Variants in LHPP observed in about 807,000 individuals in gnomAD.
LHPP encodes hLHPP.
In LHPP, 24 loss-of-function variants were observed where a neutral mutation model predicts 30.3. The ratio of observed to expected loss-of-function variants is 0.79; its 90% CI spans 0.57 to 1.11. The LOEUF (loss-of-function observed/expected upper bound fraction) is 1.11. LHPP is among the 50% of genes most tolerant of loss of function. LHPP has a pLI of 0.00. For synonymous variants in LHPP, 150 were observed against 157.1 expected, an observed-to-expected ratio of 0.95 and a Z score of 0.34; for missense variants, 356 against 367.2, an observed-to-expected ratio of 0.97 and a Z score of 0.25.
intron 1 of LHPP, among the ~76,000 whole-genome samples, chr10:124,468,210 G>C (rs1012090068): frequency 1.3e-5 from 2 of 152,182 alleles, no homozygotes; most frequent in Non-Finnish European, 2.9e-5. Flanking sequence ...AACTTCTCTG[G>C]GTTCTGGGTT....
intron 1 of LHPP, among the ~76,000 whole-genome samples, chr10:124,476,738 G>A (rs748422836): frequency 3.3e-5 from 5 of 152,310 alleles, no homozygotes; most frequent in African/African-American, 7.2e-5. Flanking sequence ...CTCTGCTTAC[G>A]GGGCTCCTGC....
At chr10:124,487,645 T>C (rs751724575) in intron 2 of LHPP, among the ~76,000 whole-genome samples, 1 of 152,094 alleles carries the variant, frequency 6.6e-6, no homozygotes, top group Non-Finnish European at 1.5e-5. Context: ...ATTTTGACCA[T>C]GTTGGCCAGG....
intron 1 of LHPP, among the ~76,000 whole-genome samples, chr10:124,465,195 G>A (rs1373220695): frequency 6.6e-6 from 1 of 152,112 alleles, no homozygotes; most frequent in East Asian, 1.9e-4. Context: ...TGCAGGAAGA[G>A]GCGGAGGAAG....
chr10:124,499,801 C>T (rs1444070695), intron 5 of LHPP, among the ~76,000 whole-genome samples: 2 of 151,990 alleles, frequency 1.3e-5, no homozygotes, highest in African/African-American at 4.9e-5. Flanking sequence ...CGGTCCAGAA[C>T]ACTGGTGCCT....
At chr10:124,522,723 G>GCT (rs1554886528) in intron 6 of LHPP, among the ~76,000 whole-genome samples, 6 of 143,242 alleles carry the variant, frequency 4.2e-5, no homozygotes, top group Admixed American at 7.0e-5. Context: ...TGCTGCCCAC[G>GCT]CCCCCCCCCA....
intron 6 of LHPP, among the ~76,000 whole-genome samples, chr10:124,569,123 G>C (rs1041921917): frequency 2.6e-5 from 4 of 152,204 alleles, no homozygotes; most frequent in Middle Eastern, 3.2e-3. Flanking sequence ...CACTGCCTGG[G>C]TGGGGCTCAT....
chr10:124,562,305 T>TCAAACAAA (rs3083576), intron 6 of LHPP, among the ~76,000 whole-genome samples: 153 of 150,172 alleles, frequency 1.0e-3, no homozygotes, highest in East Asian at 2.6e-3. Context: ...AGACCCTGTC[T>TCAAACAAA]CAAACAAACA....
At position 124,576,706 on chromosome 10, in the gene LHPP, C is replaced by T. The variant is rs1362014926; in HGVS notation, c.717-36558C>T. Among the ~76,000 whole-genome samples, 5 of 152,030 alleles carry T rather than the reference C, an allele frequency of 3.3e-5. No individual in the cohort carries two copies. Among genetic ancestry groups the T allele is most frequent in the Admixed American group, 1.3e-4 (2 of 15,278 alleles). On this transcript the variant is annotated intron_variant, in intron 6 of 6. Transcript: ENST00000368842. The surrounding 1 kb of genome is among the most constrained non-coding windows in gnomAD (Gnocchi z 4.2). ...AGCGAGGGATAGGCAGAGCTGAGGG[C>T]GGGGGTACTGGGGGGCTGAGGGGGG...
At chr10:124,474,567 C>T (rs76745632) in intron 1 of LHPP, among the ~76,000 whole-genome samples, 1,827 of 152,290 alleles carry the variant, frequency 0.012, 33 homozygotes, top group African/African-American at 0.042. Flanking sequence ...ATTCTCATCC[C>T]AGTTCTGTCC....
At chr10:124,529,026 C>CTTTTT (rs4022274) in intron 6 of LHPP, among the ~76,000 whole-genome samples, 2 of 78,292 alleles carry the variant, frequency 2.6e-5, no homozygotes, top group African/African-American at 1.4e-4. Flanking sequence ...TTGGGGGATT[C>CTTTTT]TTTTTTTTTT....
chr10:124,472,388 A>T (rs1333666055), intron 1 of LHPP, among the ~76,000 whole-genome samples: 1 of 152,172 alleles, frequency 6.6e-6, no homozygotes, highest in African/African-American at 2.4e-5. Flanking sequence ...TGAGTGCTGG[A>T]AGCGAGCTTA....
rs973607256 is a variant in LHPP at position 124,496,004 on chromosome 10, G to A, written c.468-957G>A. 3.9e-5 allele frequency among the ~76,000 whole-genome samples: 6 copies of A among 152,158 alleles called. No homozygotes were observed. Among genetic ancestry groups the A allele is most frequent in the Non-Finnish European group, 7.4e-5 (5 of 68,022 alleles). On this transcript the variant is annotated intron_variant, in intron 3 of 6. Transcript: ENST00000368842. This position sits in a 1 kb window ranked among gnomAD's most constrained non-coding sequence, Gnocchi z 4.3. ...TCAGCATGCGCTCTTCTTCCCTCTC[G>A]TTTTCTGCATACGTGCTTTCTCCAC...
intron 1 of LHPP, among the ~76,000 whole-genome samples, chr10:124,476,805 T>G (rs1952962687): frequency 6.6e-6 from 1 of 152,214 alleles, no homozygotes; most frequent in Admixed American, 6.5e-5. Flanking sequence ...CTTGTGGGTT[T>G]CAATTCTCCA....
Position 124,496,937 on chromosome 10 carries a change from G to T in LHPP, c.468-24G>T. ...GTCAGCTCCCCGTGCTCAGCATCCC[G>T]TGCTCCGTTCTGCTCTCTCCTAGGC... On this transcript the variant is annotated intron_variant, in intron 3 of 6. Transcript: ENST00000368842. The surrounding 1 kb of genome is among the most constrained non-coding windows in gnomAD (Gnocchi z 4.3). 1 of 1,607,936 alleles carries T rather than the reference G, an allele frequency of 6.2e-7. No homozygotes were observed. Among genetic ancestry groups the T allele is most frequent in the Non-Finnish European group, 8.5e-7 (1 of 1,176,590 alleles).
At chr10:124,545,827 T>C (rs1466247882) in intron 6 of LHPP, among the ~76,000 whole-genome samples, 2 of 152,202 alleles carry the variant, frequency 1.3e-5, no homozygotes, top group Non-Finnish European at 2.9e-5. Flanking sequence ...GTCATTCTGC[T>C]GCAAGAGGGA....
rs1324922732 is a variant in LHPP at position 124,471,509 on chromosome 10, A to ATG, written c.125+9523_125+9524insGT. ...ATATATTTATATATATTTATATATT[A>ATG]TATATATTTATATATTTATATATAT... On this transcript the variant is annotated intron_variant, in intron 1 of 6. Transcript: ENST00000368842. Among the ~76,000 whole-genome samples the ATG allele has an allele frequency of 3.1e-4, 13 of 41,960 alleles. 3 individuals are homozygous for ATG. The highest frequency in any genetic ancestry group is 2.5e-3 in the East Asian group (5 of 1,984). 27.5% of individuals were successfully genotyped at this position (41,960 alleles called of 152,430 possible).
chr10:124,474,937 G>A (rs1952895253), intron 1 of LHPP, among the ~76,000 whole-genome samples: 1 of 152,036 alleles, frequency 6.6e-6, no homozygotes, highest in Non-Finnish European at 1.5e-5. Context: ...TGCCCCAACA[G>A]TGGGTTTGTC....
intron 6 of LHPP, among the ~76,000 whole-genome samples, chr10:124,561,560 T>C (rs1948395558): frequency 6.6e-6 from 1 of 151,934 alleles, no homozygotes; most frequent in Non-Finnish European, 1.5e-5. Context: ...GGAGCCCGCA[T>C]GGGACACAGT....
chr10:124,462,108 C>A (rs985702870), intron 1 of LHPP, 121 bp downstream of exon 1: 2 of 944,842 alleles, frequency 2.1e-6, no homozygotes, highest in African/African-American at 3.5e-5. Flanking sequence ...GCCTCGGTCT[C>A]CCCCTTCCCA....
Sources: allele counts gnomAD v4.1 joint callset (sites outside exome capture counted in the v4.1 genomes callset), GRCh38; gene constraint gnomAD v4.1.1; non-coding constraint Gnocchi (gnomAD v3.1); transcripts MANE v1.5; gene names NCBI Gene and HGNC (gene_info 2026-07-23, HGNC 2026-07-21).